Variants in FRY observed in about 807,000 individuals in gnomAD.
The protein encoded by FRY is protein furry homolog.
In FRY, 128 loss-of-function variants were observed where a neutral mutation model predicts 348.4. The ratio of observed to expected loss-of-function variants is 0.37; its 90% CI spans 0.32 to 0.43. The LOEUF (loss-of-function observed/expected upper bound fraction) is 0.43, where lower values mean the gene tolerates loss of function less well. FRY is among the 20% of genes least tolerant of loss of function. The pLI is 1.00. For missense variants in FRY, 2,736 were observed against 3,695.2 expected, an observed-to-expected ratio of 0.74 and a Z score of 6.73; for synonymous variants, 1,370 against 1,374.7, an observed-to-expected ratio of 1.00 and a Z score of 0.08.
chr13:32,173,668 C>A, intron 19 of FRY, 119 bp downstream of exon 19: 1 of 790,490 alleles, frequency 1.3e-6, no homozygotes, highest in Non-Finnish European at 2.2e-6. Flanking sequence ...TGTAGTGTTT[C>A]ATTCATTGTT....
Position 32,276,527 on chromosome 13 carries a change from G to T in FRY, c.8350G>T (p.Asp2784Tyr). ...FSVLELQEYL[D>Y]TYNNRKEATL... Reference sequence around the variant, plus strand: ...TGTGTTAGAACTGCAAGAATATTTGGATACCTACAACAACAGGAAAGAGGC... The same window carrying T: ...TGTGTTAGAACTGCAAGAATATTTGTATACCTACAACAACAGGAAAGAGGC... Residue 2784 changes from aspartate to tyrosine, a missense_variant, in exon 57 of 61, where the codon GAT becomes TAT. This residue lies in a region of FRY where 789 missense variants were observed against 996.2 expected (regional missense o/e 0.79). Coordinates refer to ENST00000542859, the MANE Select transcript of FRY (RefSeq NM_023037.3). The T allele has an allele frequency of 2.5e-6, 4 of 1,602,632 alleles. No homozygotes were observed. Among genetic ancestry groups the T allele is most frequent in the Non-Finnish European group, 3.4e-6 (4 of 1,169,580 alleles).
At position 32,224,350 on chromosome 13, in the gene FRY, C is replaced by T. The variant is rs267603801; in HGVS notation, c.4881C>T (p.Leu1627=). The change falls in exon 37 of 61, where the codon CTC becomes CTT. Residue 1627 remains leucine (L), a synonymous_variant. Coordinates refer to ENST00000542859, the MANE Select transcript of FRY (RefSeq NM_023037.3). ...GGCWAPLVDY[L]PETITPRGPL... is the part of the protein sequence containing the mutation. The stretch of plus-strand genomic sequence containing the variant: ...GCTGGGCCCCCCTGGTTGACTATCT[C>T]CCGGAGACCATCACTCCCCGGGGGC... The T allele has an allele frequency of 6.2e-7, 1 of 1,613,918 alleles. No homozygotes were observed. The highest frequency in any genetic ancestry group is 2.2e-5 in the East Asian group (1 of 44,880).
At chr13:32,111,605 T>C (rs1232692925) in intron 3 of FRY, among the ~76,000 whole-genome samples, 1 of 152,098 alleles carries the variant, frequency 6.6e-6, no homozygotes, top group Non-Finnish European at 1.5e-5. Flanking sequence ...GGACAGATAA[T>C]TGAGAATTAG....
intron 34 of FRY, among the ~76,000 whole-genome samples, chr13:32,211,355 A>C (rs1284232820): frequency 6.6e-6 from 1 of 152,206 alleles, no homozygotes; most frequent in Non-Finnish European, 1.5e-5. Context: ...GCTCCTCAGG[A>C]GGCTGCAGGA....
At chr13:32,073,771 C>G (rs1175068228) in intron 1 of FRY, among the ~76,000 whole-genome samples, 2 of 152,222 alleles carry the variant, frequency 1.3e-5, no homozygotes, top group African/African-American at 2.4e-5. Flanking sequence ...TATTACTTCT[C>G]TGAAAATCTG....
chr13:32,186,462 G>C, intron 27 of FRY, 42 bp downstream of exon 27: 1 of 1,229,992 alleles, frequency 8.1e-7, no homozygotes, highest in Non-Finnish European at 1.2e-6. Context: ...TCAGATGGAT[G>C]GTCTCTCTCG....
At chr13:32,238,698 C>T (rs1886346326) in intron 44 of FRY, among the ~76,000 whole-genome samples, 1 of 152,162 alleles carries the variant, frequency 6.6e-6, no homozygotes, top group Non-Finnish European at 1.5e-5. Context: ...GATCCACCCG[C>T]CTCAGACTCT....
intron 28 of FRY, among the ~76,000 whole-genome samples, chr13:32,193,590 C>CTTTTTTTTT: frequency 1.1e-5 from 1 of 89,720 alleles, no homozygotes; most frequent in South Asian, 3.3e-4. Context: ...AAGTCTTCGT[C>CTTTTTTTTT]CTTTTTTTTT....
intron 1 of FRY, among the ~76,000 whole-genome samples, chr13:32,048,462 G>A (rs916494372): frequency 2.0e-5 from 3 of 152,188 alleles, no homozygotes; most frequent in African/African-American, 7.2e-5. Context: ...GTGAAATGAT[G>A]TTTTATTTGT....
chr13:32,108,835 G>A (rs769715948), intron 3 of FRY, among the ~76,000 whole-genome samples: 1 of 152,186 alleles, frequency 6.6e-6, no homozygotes, highest in Non-Finnish European at 1.5e-5. Context: ...CCCCTTGAGA[G>A]GTATGCTTTA....
intron 57 of FRY, among the ~76,000 whole-genome samples, chr13:32,277,654 G>A (rs1049745422): frequency 1.3e-5 from 1 of 79,758 alleles, no homozygotes; most frequent in Non-Finnish European, 2.8e-5. Flanking sequence ...AATGTTCATT[G>A]TAAAGTTATG....
chr13:32,182,911 G>T, intron 23 of FRY, 66 bp from the exon 24 acceptor site: 2 of 946,022 alleles, frequency 2.1e-6, no homozygotes, highest in South Asian at 2.7e-5. Context: ...AATGGATATA[G>T]AGTATTTAGT....
At chr13:32,068,552 A>G (rs1487138568) in intron 1 of FRY, among the ~76,000 whole-genome samples, 1 of 152,242 alleles carries the variant, frequency 6.6e-6, no homozygotes, top group Non-Finnish European at 1.5e-5. Context: ...ACAGACATTT[A>G]TAAAGGAAAT....
chr13:32,218,672 C>T, intron 35 of FRY, 77 bp from the exon 36 acceptor site: 2 of 721,718 alleles, frequency 2.8e-6, no homozygotes, highest in Admixed American at 4.4e-5. Flanking sequence ...AGTGAGACTC[C>T]AACTCAAAAA....
chr13:32,151,191 A>G (rs1359395753), intron 14 of FRY, among the ~76,000 whole-genome samples: 1 of 152,266 alleles, frequency 6.6e-6, no homozygotes, highest in African/African-American at 2.4e-5. Flanking sequence ...AGCTACTACC[A>G]TCATTATCAC....
chr13:32,205,120 T>C (rs1179291805), intron 31 of FRY, among the ~76,000 whole-genome samples: 1 of 148,320 alleles, frequency 6.7e-6, no homozygotes, highest in Non-Finnish European at 1.5e-5. Flanking sequence ...CAAAAATTAC[T>C]TGAACCCAAG....
chr13:32,103,900 T>C (rs1336014465), intron 3 of FRY, among the ~76,000 whole-genome samples: 1 of 151,852 alleles, frequency 6.6e-6, no homozygotes, highest in Non-Finnish European at 1.5e-5. Context: ...AGGTGGAGGT[T>C]GCAATTGAGC....
At chr13:32,084,762 T>C (rs937815763) in intron 2 of FRY, among the ~76,000 whole-genome samples, 1 of 152,254 alleles carries the variant, frequency 6.6e-6, no homozygotes, top group South Asian at 2.1e-4. Context: ...CAGACCATAG[T>C]GTATTTTTTA....
At chr13:32,240,010 C>T (rs1566160003) in intron 46 of FRY, 129 bp downstream of exon 46, 2 of 703,506 alleles carry the variant, frequency 2.8e-6, no homozygotes, top group South Asian at 3.4e-5. Context: ...CGTGGGCCAC[C>T]ATTCCCTGCC....
Sources: gnomAD v4.1 joint callset for allele counts (sites outside exome capture counted in the v4.1 genomes callset) on GRCh38, gnomAD v4.1.1 for gene constraint, gnomAD v4.1.1 regional missense constraint, MANE v1.5 for transcripts, NCBI Gene and HGNC (gene_info 2026-07-23, HGNC 2026-07-21) for gene names.